The following SNIP1 variants were observed in gnomAD, a reference collection of about 807,000 sequenced individuals.
SNIP1 encodes the protein Smad nuclear interacting protein 1.
In SNIP1, 23 loss-of-function variants were observed where a neutral mutation model predicts 37.4. The ratio of observed to expected loss-of-function variants is 0.61; its 90% CI spans 0.44 to 0.87. The LOEUF is 0.87. Among genes scored for constraint, SNIP1 ranks in the 40% least tolerant of loss-of-function variants. SNIP1 has a pLI of 0.00. For missense variants in SNIP1, 459 were observed against 540.4 expected, an observed-to-expected ratio of 0.85 and a Z score of 1.49; for synonymous variants, 174 against 200.0, an observed-to-expected ratio of 0.87 and a Z score of 1.10.
chr1:37,545,056 G>C, intron 2 of SNIP1: 1 of 751,700 alleles, frequency 1.3e-6, no homozygotes, highest in African/African-American at 1.7e-5. Context: ...ATGCGATGGA[G>C]CATGCATTAC....
Position 37,554,043 on chromosome 1 carries a change from A to T in SNIP1, c.187T>A (p.Ser63Thr). Reference sequence around the variant, plus strand: ...CGGGCTCGGTTCCCGCGGTGGCCCGAGCGGGCCGGCTCGCTGGTCGGCGGA... The same window carrying T: ...CGGGCTCGGTTCCCGCGGTGGCCCGTGCGGGCCGGCTCGCTGGTCGGCGGA... ...PSPPTSEPARSGHRGNRARGV... is the reference protein window; with the variant it reads ...PSPPTSEPARTGHRGNRARGV... The change falls in exon 1 of 4, where the codon TCG (serine) becomes ACG (threonine). Residue 63 changes from serine (S) to threonine (T), a missense_variant. Coordinates refer to ENST00000296215, the MANE Select transcript of SNIP1 (RefSeq NM_024700.4). The T allele has an allele frequency of 6.3e-7, 1 of 1,584,682 alleles. No individual in the cohort carries two copies. The highest frequency in any genetic ancestry group is 8.6e-7 in the Non-Finnish European group (1 of 1,166,170).
rs543447615 is a variant in SNIP1, at chr1:37,534,840, G to A, written c.*2908C>T. The A allele has an allele frequency of 1.3e-5, 2 of 152,104 alleles. No homozygotes were observed. The highest frequency in any genetic ancestry group is 2.9e-5 in the Non-Finnish European group (2 of 68,028). The allele number at this position is 152,104 out of a possible 1,614,324, so 9.4% of individuals were successfully genotyped here. On this transcript the variant is annotated 3_prime_UTR_variant, in exon 4 of 4. Coordinates refer to ENST00000296215, the MANE Select transcript of SNIP1 (RefSeq NM_024700.4). ...GAAGCAAAGGGCTGTTTTGAAAATA[G>A]TTTGATTTTGACACAATGATTTGCA...
rs1394650363 is a variant in SNIP1 at position 37,544,729 on chromosome 1, C to T, written c.328-3974G>A. 6 of 639,858 alleles carry T rather than the reference C, an allele frequency of 9.4e-6. No homozygotes were observed. The Admixed American group carries it at 1.0e-4, about 11-fold the overall frequency. The allele number at this position is 639,858 out of a possible 1,614,324, so 39.6% of individuals were successfully genotyped here. ...CCCCCGCCGCCACTCCAGCGCCGTG[C>T]AGCCACCGCCGCACAGCCACCGTGG... On this transcript the variant is annotated intron_variant, in intron 2 of 3. Coordinates refer to ENST00000296215, the MANE Select transcript of SNIP1 (RefSeq NM_024700.4).
chr1:37,536,249 A>C lies in SNIP1; in HGVS notation c.*1499T>G, dbSNP rs1224824022. 1 of 152,212 alleles carries C rather than the reference A, an allele frequency of 6.6e-6. No individual in the cohort carries two copies. The highest frequency in any genetic ancestry group is 2.4e-5 in the African/African-American group (1 of 41,458). The allele number at this position is 152,212 out of a possible 1,614,324, so 9.4% of individuals were successfully genotyped here. On this transcript the variant is annotated 3_prime_UTR_variant, in exon 4 of 4. Transcript: ENST00000296215. ...TTAGCCCTGAGCACACATGGGTATA[A>C]AAACAATGGAAAACAATCAAATTTA...
chr1:37,546,144 GACCCCC>G (rs1375503714), intron 2 of SNIP1, among the ~76,000 whole-genome samples: 632 of 32,634 alleles, frequency 0.019, 6 homozygotes, highest in African/African-American at 0.051. Flanking sequence ...CTGGGACTAA[GACCCCC>G]CCCCCCCCCG....
At chr1:37,545,097 T>C in intron 2 of SNIP1, 3 of 743,558 alleles carry the variant, frequency 4.0e-6, no homozygotes, top group East Asian at 2.5e-5. Flanking sequence ...CAGTCACTAC[T>C]GGAACTGCAC....
rs1220292566 is a variant in SNIP1 at position 37,540,143 on chromosome 1, T to A, written c.926+14A>T. 6.4e-7 allele frequency: 1 copy of A among 1,555,934 alleles called. No homozygotes were observed. The stretch of plus-strand genomic sequence containing the variant: ...TTCTGCTCACATTACAGTTTCTTCC[T>A]CCATGTTACTTACCGATATTGAAAG... On this transcript the variant is annotated intron_variant, in intron 3 of 3. Transcript: ENST00000296215. The surrounding 1 kb of genome is among the most constrained non-coding windows in gnomAD (Gnocchi z 5.6).
At chr1:37,542,664 T>C (rs1643189020) in intron 2 of SNIP1, among the ~76,000 whole-genome samples, 1 of 151,944 alleles carries the variant, frequency 6.6e-6, no homozygotes, top group Non-Finnish European at 1.5e-5. Context: ...CGCTTGAGCC[T>C]GGGAGGCAGA....
intron 2 of SNIP1, among the ~76,000 whole-genome samples, chr1:37,548,652 T>C (rs1383562611): frequency 6.8e-6 from 1 of 146,458 alleles, no homozygotes; most frequent in African/African-American, 2.6e-5. Context: ...GGCAGGAGAA[T>C]CCCTTGAACC....
In SNIP1 at chr1:37,537,513, T is replaced by A. The variant is rs1643112828; in HGVS notation, c.*235A>T. ...TGTGTTGTAATTGGTGAGACTGTTC[T>A]GAAAACAAATGCCTGCAGGCATGTG... is the stretch of plus-strand genomic sequence containing the variant. On this transcript the variant is annotated 3_prime_UTR_variant, in exon 4 of 4. Coordinates refer to ENST00000296215, the MANE Select transcript of SNIP1 (RefSeq NM_024700.4). 4.0e-6 allele frequency: 2 copies of A among 505,360 alleles called. No homozygotes were observed. Among genetic ancestry groups the A allele is most frequent in the Non-Finnish European group, 3.5e-6 (1 of 286,640 alleles). The allele number at this position is 505,360 out of a possible 1,614,324, so 31.3% of individuals were successfully genotyped here. A position where few individuals can be genotyped will look rare whatever the true frequency, so the allele number is the denominator to read the frequency against.
At chr1:37,548,152 CAAAAAA>C (rs35503081) in intron 2 of SNIP1, among the ~76,000 whole-genome samples, 14 of 65,376 alleles carry the variant, frequency 2.1e-4, no homozygotes, top group South Asian at 7.0e-4. Context: ...GACTCCATAT[CAAAAAA>C]AAAAAAAAAA....
At chr1:37,552,822 T>A in intron 1 of SNIP1, 75 bp from the exon 2 acceptor site, 1 of 1,181,970 alleles carries the variant, frequency 8.5e-7, no homozygotes, top group Non-Finnish European at 1.3e-6. Context: ...AGTATCAGGC[T>A]TACCTACTAA....
At chr1:37,547,612 T>C (rs1314942012) in intron 2 of SNIP1, among the ~76,000 whole-genome samples, 2 of 151,884 alleles carry the variant, frequency 1.3e-5, no homozygotes, top group Non-Finnish European at 2.9e-5. Flanking sequence ...CACGTGCCTG[T>C]AATCCTAGCT....
chr1:37,553,860 G>A (rs1395797471), intron 1 of SNIP1, 146 bp downstream of exon 1: 2 of 799,128 alleles, frequency 2.5e-6, no homozygotes, highest in African/African-American at 1.7e-5. Context: ...CATAACACAA[G>A]CACGACTGGA....
intron 2 of SNIP1, among the ~76,000 whole-genome samples, chr1:37,552,155 A>C (rs1172837149): frequency 1.3e-5 from 2 of 152,238 alleles, no homozygotes; most frequent in Non-Finnish European, 2.9e-5. Context: ...CATTTACATA[A>C]CATTCTTGAA....
intron 2 of SNIP1, among the ~76,000 whole-genome samples, chr1:37,542,821 T>A (rs1643190123): frequency 6.6e-6 from 1 of 152,154 alleles, no homozygotes; most frequent in African/African-American, 2.4e-5. Context: ...GTCACGCCTG[T>A]AATCCCAGCA....
At chr1:37,552,989 C>T (rs1009131438) in intron 1 of SNIP1, among the ~76,000 whole-genome samples, 2 of 152,122 alleles carry the variant, frequency 1.3e-5, no homozygotes, top group African/African-American at 4.8e-5. Flanking sequence ...AATTCCCAAC[C>T]CTTCAAAAAC....
chr1:37,536,632 A>G lies in SNIP1; in HGVS notation c.*1116T>C, dbSNP rs1169519272. The G allele has an allele frequency of 1.3e-5, 2 of 152,612 alleles. No homozygotes were observed. Among genetic ancestry groups the G allele is most frequent in the African/African-American group, 4.8e-5 (2 of 41,464 alleles). The allele number at this position is 152,612 out of a possible 1,614,324, so 9.5% of individuals were successfully genotyped here. ...AGGGAGGCCTTTGCCTAACATTGTC[A>G]TATGAAAATCAGTATCAGCTCTTTA... On this transcript the variant is annotated 3_prime_UTR_variant, in exon 4 of 4. Coordinates refer to ENST00000296215, the MANE Select transcript of SNIP1 (RefSeq NM_024700.4).
At chr1:37,553,802 A>C (rs549604607) in intron 1 of SNIP1, among the ~76,000 whole-genome samples, 1 of 152,338 alleles carries the variant, frequency 6.6e-6, no homozygotes, top group East Asian at 1.9e-4. Flanking sequence ...CCTGCCGGTT[A>C]GTCATTAGGC....
Sources: gnomAD v4.1 joint callset for allele counts (sites outside exome capture counted in the v4.1 genomes callset) on GRCh38, gnomAD v4.1.1 for gene constraint, Gnocchi (gnomAD v3.1) non-coding constraint, MANE v1.5 for transcripts, NCBI Gene and HGNC (gene_info 2026-07-23, HGNC 2026-07-21) for gene names.